Variants in CNTNAP5 observed in about 807,000 individuals in gnomAD.
The protein encoded by CNTNAP5 is contactin associated protein family member 5.
In CNTNAP5, 72 loss-of-function variants were observed where a neutral mutation model predicts 150.2. The ratio of observed to expected loss-of-function variants is 0.48; its 90% CI spans 0.40 to 0.58. The LOEUF is 0.58. CNTNAP5 is among the 20% of genes least tolerant of loss of function. The pLI is 0.00. For synonymous variants in CNTNAP5, 672 were observed against 619.8 expected (o/e 1.08, Z -1.25); for missense variants, 1,636 against 1,626.2 (o/e 1.01, Z -0.10).
intron 21 of CNTNAP5, among the ~76,000 whole-genome samples, chr2:124,877,925 CT>C (rs1677892679): frequency 6.6e-6 from 1 of 151,984 alleles, no homozygotes; most frequent in South Asian, 2.1e-4. Context: ...TATTTTTCCC[CT>C]GGTCATTACC....
At chr2:124,118,899 G>A (rs796398753) in intron 1 of CNTNAP5, among the ~76,000 whole-genome samples, 56 of 152,244 alleles carry the variant, frequency 3.7e-4, no homozygotes, top group African/African-American at 1.3e-3. Flanking sequence ...TGGGACCCAG[G>A]TCTATCTGGC....
chr2:124,371,812 T>C (rs1408673612), intron 3 of CNTNAP5, among the ~76,000 whole-genome samples: 6 of 152,094 alleles, frequency 3.9e-5, no homozygotes, highest in African/African-American at 1.2e-4. Flanking sequence ...TCCACTTTCA[T>C]TGATGGATCC....
At chr2:124,520,938 C>T (rs1694834970) in intron 8 of CNTNAP5, among the ~76,000 whole-genome samples, 1 of 152,158 alleles carries the variant, frequency 6.6e-6, no homozygotes, top group Non-Finnish European at 1.5e-5. Context: ...CAGAGAGTCT[C>T]TAGGGATGTT....
chr2:124,799,227 G>GCT (rs1422475954), intron 19 of CNTNAP5, among the ~76,000 whole-genome samples: 22 of 152,242 alleles, frequency 1.4e-4, no homozygotes, highest in African/African-American at 5.1e-4. Flanking sequence ...TGGACAAAAT[G>GCT]TAATACGAGA....
At chr2:124,229,867 A>G (rs1686569725) in intron 2 of CNTNAP5, among the ~76,000 whole-genome samples, 1 of 151,736 alleles carries the variant, frequency 6.6e-6, no homozygotes, top group Admixed American at 6.6e-5. Flanking sequence ...GCCCCATGAG[A>G]GGAGAGGTTT....
chr2:124,602,301 C>A (rs1697004138), intron 11 of CNTNAP5, among the ~76,000 whole-genome samples: 1 of 138,930 alleles, frequency 7.2e-6, no homozygotes, highest in South Asian at 2.3e-4. Context: ...AAGATCATGC[C>A]ACTGCACTCC....
chr2:124,909,826 C>CATATAAATAT (rs1678616758), intron 22 of CNTNAP5, among the ~76,000 whole-genome samples: 1 of 74,612 alleles, frequency 1.3e-5, no homozygotes, highest in Non-Finnish European at 2.5e-5. Flanking sequence ...CAATTGGTGA[C>CATATAAATAT]ATATATATAT....
intron 5 of CNTNAP5, among the ~76,000 whole-genome samples, chr2:124,441,165 C>T (rs1201713005): frequency 6.6e-6 from 1 of 151,992 alleles, no homozygotes; most frequent in African/African-American, 2.4e-5. Flanking sequence ...GTTGGTATAG[C>T]ATAACTAATG....
chr2:124,319,944 T>C (rs1689058455), intron 3 of CNTNAP5, among the ~76,000 whole-genome samples: 1 of 152,216 alleles, frequency 6.6e-6, no homozygotes, highest in South Asian at 2.1e-4. Flanking sequence ...TTATTCTTTG[T>C]TTATAAATTA....
intron 11 of CNTNAP5, among the ~76,000 whole-genome samples, chr2:124,608,720 G>A (rs1052184098): frequency 3.3e-5 from 5 of 152,138 alleles, no homozygotes; most frequent in African/African-American, 1.2e-4. Flanking sequence ...GCTGAGGTGG[G>A]TGGATCACGA....
intron 3 of CNTNAP5, among the ~76,000 whole-genome samples, chr2:124,354,908 G>A (rs1235733405): frequency 6.6e-6 from 1 of 151,934 alleles, no homozygotes; most frequent in African/African-American, 2.4e-5. Flanking sequence ...AGCATAATCA[G>A]ATCAATCTTC....
intron 17 of CNTNAP5, among the ~76,000 whole-genome samples, chr2:124,784,305 T>C (rs1261348474): frequency 6.6e-6 from 1 of 152,138 alleles, no homozygotes; most frequent in Non-Finnish European, 1.5e-5. Context: ...AAAGAGCAGA[T>C]ACACATGAGA....
At chr2:124,535,830 AC>A (rs1412638524) in intron 10 of CNTNAP5, among the ~76,000 whole-genome samples, 1 of 151,906 alleles carries the variant, frequency 6.6e-6, no homozygotes, top group Non-Finnish European at 1.5e-5. Flanking sequence ...TGTCTACTGA[AC>A]TCTCTGGTCA....
At chr2:124,245,732 CAT>C (rs201723089) in intron 3 of CNTNAP5, among the ~76,000 whole-genome samples, 1 of 149,838 alleles carries the variant, frequency 6.7e-6, no homozygotes, top group Non-Finnish European at 1.5e-5. Context: ...CAAATATATA[CAT>C]ATATATATAT....
chr2:124,030,380 G>T (rs1388176419), intron 1 of CNTNAP5, among the ~76,000 whole-genome samples: 2 of 152,094 alleles, frequency 1.3e-5, no homozygotes, highest in East Asian at 3.8e-4. Context: ...TTACAGATGA[G>T]CATATTCAAG....
intron 13 of CNTNAP5, among the ~76,000 whole-genome samples, chr2:124,717,208 G>A (rs956084994): frequency 6.6e-5 from 10 of 152,152 alleles, no homozygotes; most frequent in South Asian, 2.1e-4. Flanking sequence ...CAGAGGTGAC[G>A]GAGGAGCAGG....
intron 3 of CNTNAP5, among the ~76,000 whole-genome samples, chr2:124,268,109 A>AGATAGGG (rs1687658915): frequency 6.6e-6 from 1 of 152,188 alleles, no homozygotes; most frequent in Non-Finnish European, 1.5e-5. Flanking sequence ...ACCAATAGAT[A>AGATAGGG]CCGGCCAAGC....
chr2:124,838,482 A>G, intron 19 of CNTNAP5, among the ~76,000 whole-genome samples: 1 of 152,162 alleles, frequency 6.6e-6, no homozygotes, highest in Non-Finnish European at 1.5e-5. Context: ...GGGGTGTCTT[A>G]TGAAAGAACA....
chr2:124,587,930 G>A (rs1293476989), intron 11 of CNTNAP5, among the ~76,000 whole-genome samples: 1 of 152,098 alleles, frequency 6.6e-6, no homozygotes, highest in Admixed American at 6.6e-5. Flanking sequence ...TTAGGGTTCT[G>A]GGAAAAGGTA....
Sources: allele counts gnomAD v4.1 joint callset (sites outside exome capture counted in the v4.1 genomes callset), GRCh38; gene constraint gnomAD v4.1.1; transcripts MANE v1.5; gene names NCBI Gene and HGNC (gene_info 2026-07-23, HGNC 2026-07-21).